Variants in COL5A2 observed in about 807,000 individuals in gnomAD.
COL5A2 encodes the protein collagen type V alpha 2 chain.
A neutral mutation model predicts 208.2 loss-of-function variants in COL5A2; 23 were observed. That is an observed-to-expected ratio of 0.11 (90% CI 0.08 to 0.16). COL5A2 has a LOEUF of 0.16. Ranked by LOEUF, COL5A2 falls within the 10% of genes least tolerant of loss-of-function variation. The probability of loss-of-function intolerance (pLI) is 1.00; values close to 1 mark genes in which losing one functional copy is unlikely to be tolerated. For synonymous variants in COL5A2, 625 were observed against 628.5 expected (o/e 0.99, Z 0.08); for missense variants, 1,590 against 1,956.4 (o/e 0.81, Z 3.53).
the COL5A2 span, among the ~76,000 whole-genome samples, chr2:189,440,320 G>T: frequency 6.6e-6 from 1 of 152,176 alleles, no homozygotes; most frequent in African/African-American, 2.4e-5. Context: ...ATCATTGTGT[G>T]AATATCACAG....
the COL5A2 span, among the ~76,000 whole-genome samples, chr2:189,405,617 G>A: frequency 1.3e-5 from 2 of 152,140 alleles, no homozygotes. Flanking sequence ...ATTGGCCACT[G>A]GGGAAGCATG....
At chr2:189,150,086 G>C (rs1208473246) in intron 1 of COL5A2, among the ~76,000 whole-genome samples, 1 of 152,034 alleles carries the variant, frequency 6.6e-6, no homozygotes, top group Non-Finnish European at 1.5e-5. Flanking sequence ...TTATGTATGA[G>C]GTCAATATGG....
chr2:189,160,894 G>C (rs10931400), intron 1 of COL5A2, among the ~76,000 whole-genome samples: 2 of 146,648 alleles, frequency 1.4e-5, no homozygotes, highest in Non-Finnish European at 3.0e-5. Context: ...GCAATGGCGC[G>C]ATCTCAGCTT....
the COL5A2 span, among the ~76,000 whole-genome samples, chr2:189,324,865 C>T: frequency 2.6e-5 from 4 of 152,148 alleles, no homozygotes; most frequent in Non-Finnish European, 5.9e-5. Flanking sequence ...GACACAAGCA[C>T]ACATATGTCT....
upstream of COL5A2, among the ~76,000 whole-genome samples, chr2:189,180,887 A>C (rs1343921174): frequency 1.3e-5 from 2 of 152,174 alleles, no homozygotes. Context: ...TGCCACCTTG[A>C]GTCTCCCTAG....
At chr2:189,308,178 A>C in the COL5A2 span, among the ~76,000 whole-genome samples, 1 of 151,978 alleles carries the variant, frequency 6.6e-6, no homozygotes, top group Non-Finnish European at 1.5e-5. Flanking sequence ...TGTGTATTGT[A>C]AGCCAAAAAT....
At chr2:189,223,082 C>G (rs939559173) in intron 1 of COL5A2, among the ~76,000 whole-genome samples, 1 of 152,150 alleles carries the variant, frequency 6.6e-6, no homozygotes, top group African/African-American at 2.4e-5. Flanking sequence ...GTCAGTCCAG[C>G]TAAAAATGTG....
chr2:189,173,770 T>C (rs1688619889), intron 1 of COL5A2, among the ~76,000 whole-genome samples: 1 of 152,210 alleles, frequency 6.6e-6, no homozygotes, highest in Non-Finnish European at 1.5e-5. Context: ...GTTTCATGGA[T>C]ATAAATAATA....
chr2:189,043,394 C>G (rs1018781273), intron 47 of COL5A2, 136 bp from the exon 48 acceptor site: 25 of 594,084 alleles, frequency 4.2e-5, no homozygotes, highest in Non-Finnish European at 6.2e-5. Context: ...AATATATTTA[C>G]TTATCTAAAA....
At chr2:189,074,873 C>T (rs1437176906) in intron 17 of COL5A2, among the ~76,000 whole-genome samples, 2 of 152,156 alleles carry the variant, frequency 1.3e-5, no homozygotes, top group East Asian at 3.9e-4. Flanking sequence ...TAGCCATCTT[C>T]ATTTCATGTT....
chr2:189,355,416 A>T, the COL5A2 span, among the ~76,000 whole-genome samples: 5 of 152,130 alleles, frequency 3.3e-5, no homozygotes, highest in African/African-American at 9.7e-5. Flanking sequence ...TGGGAGTCTA[A>T]GTCTCTTTGT....
chr2:189,252,619 G>T, the COL5A2 span, among the ~76,000 whole-genome samples: 1 of 152,000 alleles, frequency 6.6e-6, no homozygotes, highest in Non-Finnish European at 1.5e-5. Context: ...TTGTGGGGTG[G>T]GGGGAGTGGG....
chr2:189,110,500 A>C, intron 1 of COL5A2, 51 bp from the exon 2 acceptor site: 1 of 1,538,820 alleles, frequency 6.5e-7, no homozygotes, highest in Non-Finnish European at 9.0e-7. Flanking sequence ...TATAGAATTG[A>C]GAAAATAAAA....
chr2:189,390,997 T>C, the COL5A2 span, among the ~76,000 whole-genome samples: 2 of 152,200 alleles, frequency 1.3e-5, no homozygotes, highest in South Asian at 2.1e-4. Context: ...AAAGTTTTCC[T>C]TTTGGTCATC....
chr2:189,361,111 G>C, the COL5A2 span, among the ~76,000 whole-genome samples: 4 of 152,092 alleles, frequency 2.6e-5, no homozygotes, highest in East Asian at 7.7e-4. Context: ...AATGTCTGCT[G>C]TTAGGTCCAC....
At chr2:189,253,525 TTG>T in the COL5A2 span, among the ~76,000 whole-genome samples, 1 of 152,340 alleles carries the variant, frequency 6.6e-6, no homozygotes, top group Middle Eastern at 3.4e-3. Flanking sequence ...CCTCCCAGCT[TTG>T]TGTGTCTTCG....
chr2:189,344,449 A>G, the COL5A2 span, among the ~76,000 whole-genome samples: 1 of 152,158 alleles, frequency 6.6e-6, no homozygotes, highest in Non-Finnish European at 1.5e-5. Context: ...TTCAATAGCA[A>G]TGAGGCTTAT....
At chr2:189,180,301 C>T (rs1448107706), upstream of COL5A2, among the ~76,000 whole-genome samples, 2 of 152,032 alleles carry the variant, frequency 1.3e-5, no homozygotes, top group African/African-American at 4.8e-5. Context: ...TAGAATGTTG[C>T]CCAGGTAAAG....
the COL5A2 span, among the ~76,000 whole-genome samples, chr2:189,372,316 G>A: frequency 3.3e-5 from 5 of 152,230 alleles, no homozygotes; most frequent in East Asian, 1.9e-4. Flanking sequence ...CAGTAGTACC[G>A]GATGATCATT....
Sources: gnomAD v4.1 joint callset for allele counts (sites outside exome capture counted in the v4.1 genomes callset) on GRCh38, gnomAD v4.1.1 for gene constraint, MANE v1.5 for transcripts, NCBI Gene and HGNC (gene_info 2026-07-23, HGNC 2026-07-21) for gene names.